Variants in COL6A1 observed in about 807,000 individuals in gnomAD.
The protein encoded by COL6A1 is collagen type VI alpha 1 chain.
COL6A1 carries 80 observed loss-of-function variants against 145.6 expected under a neutral mutation model. That is an observed-to-expected ratio of 0.55 (90% CI 0.46 to 0.66). COL6A1 has a LOEUF of 0.66. COL6A1 is among the 30% of genes least tolerant of loss of function. The pLI is 0.00. For missense variants in COL6A1, 1,364 were observed against 1,473.8 expected (o/e 0.93, Z 1.22); for synonymous variants, 638 against 622.8 (o/e 1.02, Z -0.36).
Position 46,002,081 on chromosome 21 carries a change from C to A in COL6A1, c.2066+11C>A. On this transcript the variant is annotated intron_variant, in intron 31 of 34. Coordinates refer to ENST00000361866, the MANE Select transcript of COL6A1 (RefSeq NM_001848.3). ...GCAGGAGCTCAAGGAGTGAGTGCCC[C>A]ACGCGGCCAGGACCCTCCCACCCCT... The A allele has an allele frequency of 1.2e-6, 2 of 1,606,358 alleles. No homozygotes were observed. The highest frequency in any genetic ancestry group is 1.7e-6 in the Non-Finnish European group (2 of 1,177,506).
intron 27 of COL6A1, among the ~76,000 whole-genome samples, 198 bp downstream of exon 27, chr21:45,999,890 C>CATAGAGGGGACGTGTGAGGAT (rs2077829241): frequency 2.2e-5 from 2 of 90,650 alleles, no homozygotes; most frequent in East Asian, 3.9e-4. Flanking sequence ...TGTGTGAGGA[C>CATAGAGGGGACGTGTGAGGAT]CATAGAGGGG....
In COL6A1 at chr21:46,004,760, G is replaced by A. The variant is rs755787151; in HGVS notation, c.*747G>A. 2.8e-5 allele frequency: 12 copies of A among 434,494 alleles called. No individual in the cohort carries two copies. Among genetic ancestry groups the A allele is most frequent in the Non-Finnish European group, 4.7e-5 (10 of 213,970 alleles). The allele number at this position is 434,494 out of a possible 1,614,324, so 26.9% of individuals were successfully genotyped here. A position where few individuals can be genotyped will look rare whatever the true frequency, so the allele number is the denominator to read the frequency against. On this transcript the variant is annotated 3_prime_UTR_variant, in exon 35 of 35. Coordinates refer to ENST00000361866, the MANE Select transcript of COL6A1 (RefSeq NM_001848.3). ...CTGACCCCGACCTCAGAGAGTACTC[G>A]CAGGGGCGCTGGCTGCACTCAAGAC...
chr21:45,999,144 C>G lies in COL6A1; in HGVS notation c.1675-9C>G. ...CACGGTCTGTTGACACAACGCTGTTCCCTTCTAGAACAACGACATTGCACC... is the reference window on the plus strand; with the variant it reads ...CACGGTCTGTTGACACAACGCTGTTGCCTTCTAGAACAACGACATTGCACC... On this transcript the variant is annotated splice_polypyrimidine_tract_variant and intron_variant, in intron 25 of 34. Transcript: ENST00000361866. 6.3e-7 allele frequency: 1 copy of G among 1,593,050 alleles called. No individual in the cohort carries two copies. Among genetic ancestry groups the G allele is most frequent in the East Asian group, 2.3e-5 (1 of 44,168 alleles).
At position 45,984,377 on chromosome 21, in the gene COL6A1, A is replaced by T. The variant is rs529681137; in HGVS notation, c.336A>T (p.Ala112=). The T allele has an allele frequency of 1.9e-6, 3 of 1,612,628 alleles. No homozygotes were observed. In the African/African-American group the frequency reaches 4.0e-5, roughly 22 times the overall value. ...CGCGCATGCCTGGCGGCCGCGACGC[A>T]CTCAAAAGCAGCGTGGACGCGGTCA... The part of the protein sequence containing the change: ...GLTRMPGGRD[A]LKSSVDAVKY... Residue 112 remains alanine, a synonymous_variant, in exon 3 of 35, where the codon GCA becomes GCT. Transcript: ENST00000361866.
At chr21:45,999,965 C>T (rs1027397228) in intron 27 of COL6A1, among the ~76,000 whole-genome samples, 12 of 1,406 alleles carry the variant, frequency 8.5e-3, no homozygotes, top group African/African-American at 0.01. Context: ...CATGGGAGGA[C>T]GTGAGGATCA....
chr21:45,984,839 CAG>C (rs1245636166), intron 3 of COL6A1, among the ~76,000 whole-genome samples: 2 of 149,368 alleles, frequency 1.3e-5, no homozygotes, highest in Non-Finnish European at 3.0e-5. Flanking sequence ...GACAGGCAGA[CAG>C]AGACAGAGAG....
chr21:45,997,853 G>A, intron 22 of COL6A1, 91 bp downstream of exon 22: 1 of 1,411,426 alleles, frequency 7.1e-7, no homozygotes, highest in Non-Finnish European at 9.7e-7. Flanking sequence ...GCTGCCTGGG[G>A]TCCCTGACCG....
intron 19 of COL6A1, among the ~76,000 whole-genome samples, chr21:45,993,264 T>G (rs2077786872): frequency 6.6e-6 from 1 of 152,128 alleles, no homozygotes; most frequent in Non-Finnish European, 1.5e-5. Context: ...TTCAGCTCCG[T>G]GGACCGTGGG....
At chr21:45,999,325 G>T (rs1441433468) in intron 26 of COL6A1, 107 bp downstream of exon 26, 5 of 1,129,560 alleles carry the variant, frequency 4.4e-6, no homozygotes, top group Non-Finnish European at 6.5e-6. Context: ...GCGGCGGGAG[G>T]GAATTTTGGG....
chr21:46,003,718 C>T lies in COL6A1; in HGVS notation c.2792C>T (p.Ser931Leu), dbSNP rs768598525. The change falls in exon 35 of 35, where the codon TCG becomes TTG. Residue 931 changes from serine to leucine, a missense_variant. Physicochemically the swap from Ser to Leu is moderately radical, Grantham distance 145. Coordinates refer to ENST00000361866, the MANE Select transcript of COL6A1 (RefSeq NM_001848.3). Reference sequence around the variant, plus strand: ...GTGACCCGCTTCTACCGCGAGGCCTCGTCCGGCGCTGCCAAGAAGAGGCTG... The same window carrying T: ...GTGACCCGCTTCTACCGCGAGGCCTTGTCCGGCGCTGCCAAGAAGAGGCTG... ...GYVTRFYREA[S>L]SGAAKKRLLL... 1.7e-5 allele frequency: 27 copies of T among 1,612,878 alleles called. No individual in the cohort carries two copies. The highest frequency in any genetic ancestry group is 7.7e-5 in the South Asian group (7 of 91,074).
Position 45,989,138 on chromosome 21 carries a change from G to A in COL6A1, c.858+1G>A, listed in dbSNP as rs1569518086. 4.4e-6 allele frequency: 7 copies of A among 1,605,996 alleles called. No individual in the cohort carries two copies. Among genetic ancestry groups the A allele is most frequent in the Non-Finnish European group, 5.9e-6 (7 of 1,177,184 alleles). On this transcript the variant is annotated splice_donor_variant, in intron 9 of 34. Coordinates refer to ENST00000361866, the MANE Select transcript of COL6A1 (RefSeq NM_001848.3). LOFTEE classifies it high-confidence loss of function. ...AGAGAAGGGAGAAGCCGGAGATCCT[G>A]TGAGTGCCTGACTGTGGGGTGGGGG...
intron 34 of COL6A1, 25 bp downstream of exon 34, chr21:46,003,174 CGTG>C (rs1569519185): frequency 6.2e-7 from 1 of 1,613,924 alleles, no homozygotes; most frequent in Non-Finnish European, 8.5e-7. Context: ...GGCCGGGACA[CGTG>C]GGGAGGAGGG....
At position 45,998,397 on chromosome 21, in the gene COL6A1, G is replaced by T; in HGVS notation, c.1576-1G>T. 6.2e-7 allele frequency: 1 copy of T among 1,613,302 alleles called. No individual in the cohort carries two copies. Among genetic ancestry groups the T allele is most frequent in the Non-Finnish European group, 8.5e-7 (1 of 1,180,006 alleles). On this transcript the variant is annotated splice_acceptor_variant, in intron 23 of 34. Transcript: ENST00000361866. LOFTEE classifies it high-confidence loss of function. ...ATCACTGCCCTGCTTTTCCATGACA[G>T]GGGTATCCGGGCAACAGGGGCGCTC...
Position 45,999,046 on chromosome 21 carries a change from T to G in COL6A1, c.1674+87T>G, listed in dbSNP as rs935429368. On this transcript the variant is annotated intron_variant, in intron 25 of 34. Coordinates refer to ENST00000361866, the MANE Select transcript of COL6A1 (RefSeq NM_001848.3). ...TGAAGGGCAGTGGACCAGGACCCGC[T>G]TGGGGAGGCCTCATGGGCCCCGGCT... The G allele has an allele frequency of 4.5e-6, 7 of 1,544,406 alleles. No individual in the cohort carries two copies. The African/African-American group carries it at 8.2e-5, about 18-fold the overall frequency.
intron 12 of COL6A1, 36 bp from the exon 13 acceptor site, chr21:45,990,342 G>A (rs2077767499): frequency 2.5e-6 from 4 of 1,612,566 alleles, no homozygotes; most frequent in Non-Finnish European, 2.5e-6. Context: ...TGTCTGACCT[G>A]CATCTGACTC....
At chr21:46,000,611 GA>G in intron 28 of COL6A1, 147 bp from the exon 29 acceptor site, 1 of 1,355,770 alleles carries the variant, frequency 7.4e-7, no homozygotes, top group Non-Finnish European at 1.0e-6. Context: ...GGGAGGCGGG[GA>G]GGCGGGGCAG....
At position 45,986,799 on chromosome 21, in the gene COL6A1, G is replaced by C. The variant is rs540036205; in HGVS notation, c.588+114G>C. The C allele has an allele frequency of 4.8e-5, 73 of 1,513,838 alleles. 1 individual carries two copies. The African/African-American group carries it at 9.0e-4, about 19-fold the overall frequency. 93.8% of individuals were successfully genotyped at this position (1,513,838 alleles called of 1,614,324 possible). ...TCGGGAGGGTGTGGGTTCTCCAGCC[G>C]GCCACCCTTGCCCCTGAGAGGCCAG... On this transcript the variant is annotated intron_variant, in intron 4 of 34. Transcript: ENST00000361866.
intron 19 of COL6A1, among the ~76,000 whole-genome samples, chr21:45,993,177 G>A (rs550680587): frequency 7.2e-5 from 11 of 152,364 alleles, no homozygotes; most frequent in South Asian, 2.1e-4. Flanking sequence ...CCTGCAGGGC[G>A]CCTGCCTGGG....
chr21:45,982,289 G>C (rs11910925), intron 1 of COL6A1, among the ~76,000 whole-genome samples: 137,623 of 142,994 alleles, frequency 0.96, 66,175 homozygotes, highest in Middle Eastern at 0.98. Flanking sequence ...CGGCCCCCCC[G>C]ACCCCCGTTC....
Sources: gnomAD v4.1 joint callset for allele counts (sites outside exome capture counted in the v4.1 genomes callset) on GRCh38, gnomAD v4.1.1 for gene constraint, MANE v1.5 for transcripts, NCBI Gene and HGNC (gene_info 2026-07-23, HGNC 2026-07-21) for gene names.